Variants in GATB observed in about 807,000 individuals in gnomAD.
GATB encodes the protein glutamyl-tRNA amidotransferase subunit B, also known as glutamyl-tRNA(Gln) amidotransferase subunit B, mitochondrial.
Under a neutral mutation model 62.3 loss-of-function variants are expected in GATB, and 39 were observed. The ratio of observed to expected loss-of-function variants is 0.63; its 90% confidence interval spans 0.48 to 0.82. The LOEUF is 0.82. GATB is among the 40% of genes least tolerant of loss of function. GATB has a pLI of 0.00. For synonymous variants in GATB, 276 were observed against 258.9 expected (o/e 1.07, Z -0.63); for missense variants, 670 against 684.0 (o/e 0.98, Z 0.23).
At chr4:151,682,691 C>A (rs6839738) in intron 10 of GATB, among the ~76,000 whole-genome samples, 4 of 151,778 alleles carry the variant, frequency 2.6e-5, no homozygotes. Context: ...CAACCACCCC[C>A]GACCCCCCGT....
intron 8 of GATB, among the ~76,000 whole-genome samples, chr4:151,702,287 A>C (rs1198756851): frequency 6.6e-6 from 1 of 152,158 alleles, no homozygotes; most frequent in Non-Finnish European, 1.5e-5. Context: ...AAAGGAAAAA[A>C]ATTTACCCTT....
intron 9 of GATB, among the ~76,000 whole-genome samples, chr4:151,691,474 G>A (rs1037574548): frequency 6.6e-6 from 1 of 152,162 alleles, no homozygotes. Context: ...ACCAGTGCTG[G>A]CTCCGCCTCT....
chr4:151,737,268 C>A (rs1457964590), intron 2 of GATB, among the ~76,000 whole-genome samples: 1 of 152,156 alleles, frequency 6.6e-6, no homozygotes, highest in African/African-American at 2.4e-5. Flanking sequence ...TTGTTGCAAA[C>A]CGAAGCAAAG....
chr4:151,712,997 C>G (rs1213365043), intron 5 of GATB, among the ~76,000 whole-genome samples: 1 of 152,196 alleles, frequency 6.6e-6, no homozygotes, highest in Admixed American at 6.5e-5. Context: ...CTCCTTATCC[C>G]TTGCATTACC....
At chr4:151,751,030 G>C (rs1739712172) in intron 2 of GATB, among the ~76,000 whole-genome samples, 1 of 151,984 alleles carries the variant, frequency 6.6e-6, no homozygotes, top group African/African-American at 2.4e-5. Context: ...AAGTCAGTTA[G>C]AAAAAAGGAT....
At chr4:151,706,358 C>T (rs1434306667) in intron 6 of GATB, among the ~76,000 whole-genome samples, 3 of 143,756 alleles carry the variant, frequency 2.1e-5, no homozygotes, top group East Asian at 2.0e-4. Flanking sequence ...GATGACTCTA[C>T]CTAAAATTGG....
chr4:151,745,723 T>C (rs1048476675), intron 2 of GATB, among the ~76,000 whole-genome samples: 11 of 152,226 alleles, frequency 7.2e-5, no homozygotes, highest in Non-Finnish European at 1.2e-4. Context: ...TGGCTAATAA[T>C]AGTATGCACT....
intron 2 of GATB, among the ~76,000 whole-genome samples, chr4:151,738,467 T>A (rs1739423060): frequency 1.3e-5 from 2 of 152,226 alleles, no homozygotes; most frequent in African/African-American, 4.8e-5. Context: ...CCACCATGAT[T>A]GTGAGGCCTC....
In GATB at chr4:151,714,972, A is replaced by G. The variant is rs187022875; in HGVS notation, c.763+1037T>C. 7.2e-5 allele frequency among the ~76,000 whole-genome samples: 11 copies of G among 152,368 alleles called. 1 individual carries two copies. In the East Asian group the frequency reaches 2.1e-3, roughly 29 times the overall value. On this transcript the variant is annotated intron_variant, in intron 5 of 12. Transcript: ENST00000263985. Reference sequence around the variant, plus strand: ...TAGCAAATAAGCAAGTTCTGTCCTCAGATTCAACATGTACCAGGGCTCTGA... The same window carrying G: ...TAGCAAATAAGCAAGTTCTGTCCTCGGATTCAACATGTACCAGGGCTCTGA...
At chr4:151,705,346 T>C (rs1738695031) in intron 6 of GATB, 77 bp from the exon 7 acceptor site, 2 of 860,026 alleles carry the variant, frequency 2.3e-6, no homozygotes, top group Non-Finnish European at 3.7e-6. Flanking sequence ...AGAAACAACC[T>C]TTCTCAATCT....
intron 9 of GATB, among the ~76,000 whole-genome samples, chr4:151,697,949 G>GTATACATATATATATA: frequency 1.0e-5 from 1 of 96,974 alleles, no homozygotes; most frequent in Non-Finnish European, 1.8e-5. Context: ...GTGTGTGTGT[G>GTATACATATATATATA]TGTGTATATA....
At chr4:151,732,083 G>T (rs1396058610) in intron 2 of GATB, among the ~76,000 whole-genome samples, 1 of 141,462 alleles carries the variant, frequency 7.1e-6, no homozygotes, top group Non-Finnish European at 1.5e-5. Flanking sequence ...CCGGCCAGCC[G>T]CCCCGTCCGG....
chr4:151,700,713 T>C (rs888448322), intron 9 of GATB, among the ~76,000 whole-genome samples: 6 of 152,262 alleles, frequency 3.9e-5, no homozygotes, highest in Middle Eastern at 6.8e-3. Context: ...AATGCTGCCA[T>C]GACAAAGAAA....
intron 9 of GATB, among the ~76,000 whole-genome samples, chr4:151,700,325 TAAG>T (rs893083378): frequency 6.6e-5 from 10 of 152,022 alleles, no homozygotes; most frequent in Non-Finnish European, 8.8e-5. Flanking sequence ...GCCAGAGAGG[TAAG>T]AAGAAGATCA....
At chr4:151,717,750 GCA>G (rs940776379) in intron 3 of GATB, among the ~76,000 whole-genome samples, 2 of 152,164 alleles carry the variant, frequency 1.3e-5, no homozygotes, top group African/African-American at 4.8e-5. Flanking sequence ...ACTTGCAAAC[GCA>G]CAGAGGCACC....
intron 11 of GATB, among the ~76,000 whole-genome samples, chr4:151,679,389 C>T (rs561727072): frequency 1.3e-5 from 2 of 152,288 alleles, no homozygotes; most frequent in Admixed American, 1.3e-4. Flanking sequence ...TGAGGACAGA[C>T]TCTCTGAGGG....
chr4:151,731,655 C>T (rs1233898268), intron 2 of GATB, among the ~76,000 whole-genome samples: 3 of 152,044 alleles, frequency 2.0e-5, no homozygotes, highest in Non-Finnish European at 2.9e-5. Flanking sequence ...GCTGCCATCC[C>T]GTCTAGGAAG....
rs1375514047 is a variant in GATB, at chr4:151,701,523, GCAGA to G, written c.1008-9_1008-6del. On this transcript the variant is annotated splice_region_variant and splice_polypyrimidine_tract_variant and intron_variant, in intron 8 of 12. Transcript: ENST00000263985. ...AGGTTGGGTTCTGGCATGAACCTGGGCAGACAGAGGAGACGGGACCTGAATCTGG... is the reference window on the plus strand; with the variant it reads ...AGGTTGGGTTCTGGCATGAACCTGGGCAGAGGAGACGGGACCTGAATCTGG... 5 of 1,495,428 alleles carry G rather than the reference GCAGA, an allele frequency of 3.3e-6. No individual in the cohort carries two copies. Among genetic ancestry groups the G allele is most frequent in the Non-Finnish European group, 4.5e-6 (5 of 1,114,872 alleles). 92.6% of individuals were successfully genotyped at this position (1,495,428 alleles called of 1,614,324 possible).
intron 2 of GATB, among the ~76,000 whole-genome samples, chr4:151,743,781 T>TA: frequency 6.6e-6 from 1 of 152,254 alleles, no homozygotes. Context: ...ATAGCTTTCA[T>TA]AGCATCCATG....
Sources: gnomAD v4.1 joint callset for allele counts (sites outside exome capture counted in the v4.1 genomes callset) on GRCh38, gnomAD v4.1.1 for gene constraint, MANE v1.5 for transcripts, NCBI Gene and HGNC (gene_info 2026-07-23, HGNC 2026-07-21) for gene names.